Variants in TUSC3 observed in about 807,000 individuals in gnomAD.
TUSC3 encodes tumor suppressor candidate 3, also known as dolichyl-diphosphooligosaccharide--protein glycosyltransferase subunit TUSC3.
A neutral mutation model predicts 44.8 loss-of-function variants in TUSC3; 45 were observed. That is an observed-to-expected ratio of 1.00 (90% confidence interval 0.79 to 1.29). The LOEUF is 1.29. Among genes scored for constraint, TUSC3 ranks in the 50% most tolerant of loss-of-function variants. The pLI, the probability that TUSC3 is intolerant of heterozygous loss-of-function variation, is 0.00. For missense variants in TUSC3, 519 were observed against 437.9 expected (o/e 1.19, Z -1.65); for synonymous variants, 212 against 152.9 (o/e 1.39, Z -2.85).
the TUSC3 span, among the ~76,000 whole-genome samples, chr8:15,808,682 A>G: frequency 2.9e-4 from 44 of 152,268 alleles, no homozygotes; most frequent in Non-Finnish European, 5.0e-4. Context: ...GACATGTAGC[A>G]GGCAATTTGC....
chr8:15,795,051 G>A, the TUSC3 span, among the ~76,000 whole-genome samples: 1 of 152,094 alleles, frequency 6.6e-6, no homozygotes, highest in Non-Finnish European at 1.5e-5. Context: ...ACGGAAAGAG[G>A]TTGGAACACA....
chr8:15,536,878 C>A (rs59776978), upstream of TUSC3, among the ~76,000 whole-genome samples: 31,502 of 151,604 alleles, frequency 0.21, 3,256 homozygotes, highest in Middle Eastern at 0.27. Flanking sequence ...AAATTCTCAT[C>A]AGATGGATTT....
At chr8:15,674,236 CG>C (rs1235594190) in intron 6 of TUSC3, among the ~76,000 whole-genome samples, 1 of 151,832 alleles carries the variant, frequency 6.6e-6, no homozygotes, top group African/African-American at 2.4e-5. Context: ...ATTAAGAACC[CG>C]GGTGGTCATT....
intron 1 of TUSC3, among the ~76,000 whole-genome samples, chr8:15,460,171 C>T (rs1004040003): frequency 1.4e-4 from 21 of 152,038 alleles, no homozygotes; most frequent in African/African-American, 3.6e-4. Context: ...AGAAGTGTTC[C>T]CTGATCTCTG....
At chr8:15,802,634 C>A in the TUSC3 span, among the ~76,000 whole-genome samples, 1 of 151,510 alleles carries the variant, frequency 6.6e-6, no homozygotes, top group African/African-American at 2.4e-5. Context: ...GGCTATAATT[C>A]ATCTATTGAA....
chr8:15,806,880 G>A, the TUSC3 span: 19 of 1,178,732 alleles, frequency 1.6e-5, no homozygotes, highest in African/African-American at 2.8e-4. Context: ...ATTATGTTGG[G>A]GAGAAAGTAA....
chr8:15,744,403 G>A (rs916639209), intron 8 of TUSC3, among the ~76,000 whole-genome samples: 33 of 152,210 alleles, frequency 2.2e-4, no homozygotes, highest in African/African-American at 7.7e-4. Flanking sequence ...GTCCCTATAT[G>A]ATTTGATATG....
intron 1 of TUSC3, among the ~76,000 whole-genome samples, chr8:15,615,221 A>G (rs1183421174): frequency 6.6e-6 from 1 of 152,242 alleles, no homozygotes; most frequent in Non-Finnish European, 1.5e-5. Flanking sequence ...AGTGTCCATC[A>G]ATAGATGAAT....
the TUSC3 span, among the ~76,000 whole-genome samples, chr8:15,845,888 G>A: frequency 6.6e-6 from 1 of 152,106 alleles, no homozygotes; most frequent in South Asian, 2.1e-4. Context: ...ACCTGAGACT[G>A]GAAAGAAAAA....
intron 1 of TUSC3, among the ~76,000 whole-genome samples, chr8:15,548,623 C>T (rs961903672): frequency 6.6e-6 from 1 of 151,860 alleles, no homozygotes; most frequent in African/African-American, 2.4e-5. Flanking sequence ...GCTCTCTCAA[C>T]TCCTTGCTTT....
At chr8:15,560,254 C>T (rs1295095494) in intron 1 of TUSC3, among the ~76,000 whole-genome samples, 1 of 146,632 alleles carries the variant, frequency 6.8e-6, no homozygotes, top group Admixed American at 6.8e-5. Flanking sequence ...ATTTCTCCTT[C>T]ACTTATGAAG....
chr8:15,732,432 G>A (rs1226912422), intron 7 of TUSC3, among the ~76,000 whole-genome samples: 1 of 152,048 alleles, frequency 6.6e-6, no homozygotes, highest in African/African-American at 2.4e-5. Flanking sequence ...TGATTGTGAG[G>A]CTTCCACAGC....
the TUSC3 span, among the ~76,000 whole-genome samples, chr8:15,850,390 G>A: frequency 6.6e-6 from 1 of 152,016 alleles, no homozygotes; most frequent in South Asian, 2.1e-4. Context: ...TTCCAATTTA[G>A]TTATATTATT....
chr8:15,616,470 G>A (rs1489878745), intron 1 of TUSC3, among the ~76,000 whole-genome samples: 3 of 152,158 alleles, frequency 2.0e-5, no homozygotes, highest in South Asian at 4.1e-4. Flanking sequence ...CAGTCTACTC[G>A]GGAAGCTGAG....
the TUSC3 span, among the ~76,000 whole-genome samples, chr8:15,818,613 A>C: frequency 5.9e-5 from 9 of 152,286 alleles, no homozygotes; most frequent in Admixed American, 2.0e-4. Context: ...GACACGGAGG[A>C]TCAGAACAGG....
chr8:15,684,929 C>G (rs894776468), intron 6 of TUSC3, among the ~76,000 whole-genome samples: 1 of 152,168 alleles, frequency 6.6e-6, no homozygotes, highest in Non-Finnish European at 1.5e-5. Flanking sequence ...ATCGTTCAGG[C>G]AGGCAGGCTT....
At chr8:15,663,462 T>A (rs184312846) in intron 5 of TUSC3, among the ~76,000 whole-genome samples, 234 of 151,910 alleles carry the variant, frequency 1.5e-3, no homozygotes, top group African/African-American at 5.4e-3. Context: ...ATTAGGGGTC[T>A]TGATGACTAA....
intron 2 of TUSC3, among the ~76,000 whole-genome samples, chr8:15,500,409 C>T (rs1800943740): frequency 6.6e-6 from 1 of 152,180 alleles, no homozygotes; most frequent in African/African-American, 2.4e-5. Flanking sequence ...ATAGTCATCA[C>T]ATTTTTAAAA....
At chr8:15,735,892 G>GTTTTTTTTTTT (rs1233785067) in intron 7 of TUSC3, among the ~76,000 whole-genome samples, 1 of 148,398 alleles carries the variant, frequency 6.7e-6, no homozygotes. Context: ...TGTTTTTTTG[G>GTTTTTTTTTTT]TTTTTTTTTG....
Sources: gnomAD v4.1 joint callset for allele counts (sites outside exome capture counted in the v4.1 genomes callset) on GRCh38, gnomAD v4.1.1 for gene constraint, MANE v1.5 for transcripts, NCBI Gene and HGNC (gene_info 2026-07-23, HGNC 2026-07-21) for gene names.